NELFB: variants seen among roughly 807,000 people sequenced by gnomAD.
NELFB encodes negative elongation factor complex member B.
Under a neutral mutation model 60.2 loss-of-function variants are expected in NELFB, and 34 were observed. The observed-to-expected ratio is 0.56, with a 90% CI of 0.43 to 0.75. The LOEUF is 0.75. Ranked by LOEUF, NELFB falls within the 30% of genes least tolerant of loss-of-function variation. The pLI, the probability that NELFB is intolerant of heterozygous loss-of-function variation, is 0.00. For missense variants in NELFB, 770 were observed against 831.6 expected, an observed-to-expected ratio of 0.93 and a Z score of 0.91; for synonymous variants, 459 against 382.1, an observed-to-expected ratio of 1.20 and a Z score of -2.35.
chr9:137,257,090 C>CT, intron 4 of NELFB, 36 bp downstream of exon 4: 1 of 1,569,194 alleles, frequency 6.4e-7, no homozygotes, highest in East Asian at 2.3e-5. Context: ...TGGGGCACCT[C>CT]TTGGGGATGC....
At chr9:137,256,229 G>GT in intron 2 of NELFB, 100 bp from the exon 3 acceptor site, 1 of 1,370,828 alleles carries the variant, frequency 7.3e-7, no homozygotes. Context: ...TGTCCTGGGC[G>GT]TGGAGGCTTG....
chr9:137,266,093 G>C, intron 7 of NELFB, 114 bp downstream of exon 7: 2 of 875,800 alleles, frequency 2.3e-6, no homozygotes, highest in South Asian at 3.0e-5. Flanking sequence ...TTGGGGCCCT[G>C]TGGCCGCCCT....
chr9:137,256,251 G>T, intron 2 of NELFB, 78 bp from the exon 3 acceptor site: 1 of 1,453,142 alleles, frequency 6.9e-7, no homozygotes, highest in Middle Eastern at 1.8e-4. Flanking sequence ...CCTGGTAGCT[G>T]TTATCTGTGT....
intron 6 of NELFB, among the ~76,000 whole-genome samples, chr9:137,265,330 T>G (rs1412293198): frequency 1.3e-5 from 2 of 150,958 alleles, no homozygotes; most frequent in Admixed American, 6.6e-5. Context: ...TTTGTTTTTT[T>G]AACTTTTTAA....
chr9:137,263,354 C>T lies in NELFB; in HGVS notation c.927+132C>T, dbSNP rs1345556347. ...CCTGAAGGTAGCGCTGCCCTCCCTCCCTCCCTCCTTCTCCCTTCTCCCCCG... is the reference window on the plus strand; with the variant it reads ...CCTGAAGGTAGCGCTGCCCTCCCTCTCTCCCTCCTTCTCCCTTCTCCCCCG... On this transcript the variant is annotated intron_variant, in intron 5 of 12. Coordinates refer to ENST00000343053, the MANE Select transcript of NELFB (RefSeq NM_015456.5). 5 of 726,366 alleles carry T rather than the reference C, an allele frequency of 6.9e-6. 1 individual carries two copies. The allele number at this position is 726,366 out of a possible 1,614,324, so 45.0% of individuals were successfully genotyped here. A position where few individuals can be genotyped will look rare whatever the true frequency, so the allele number is the denominator to read the frequency against.
At chr9:137,271,769 C>G (rs1830586705) in intron 10 of NELFB, among the ~76,000 whole-genome samples, 1 of 151,764 alleles carries the variant, frequency 6.6e-6, no homozygotes. Flanking sequence ...TTCCTCCACC[C>G]TCCTCCTGTC....
intron 4 of NELFB, among the ~76,000 whole-genome samples, chr9:137,260,222 T>C (rs559434883): frequency 1.1e-4 from 16 of 148,014 alleles, no homozygotes; most frequent in African/African-American, 3.7e-4. Flanking sequence ...GCTATGTTTT[T>C]TGTATTTTTA....
At position 137,265,054 on chromosome 9, in the gene NELFB, T is replaced by TTTC. The variant is rs1554791518; in HGVS notation, c.1040+697_1040+698insTTC. 3.9e-4 allele frequency among the ~76,000 whole-genome samples: 45 copies of TTTC among 114,056 alleles called. 11 individuals carry two copies. The highest frequency in any genetic ancestry group is 6.9e-4 in the Non-Finnish European group (35 of 50,838). 74.8% of individuals were successfully genotyped at this position (114,056 alleles called of 152,430 possible). Reference sequence around the variant, plus strand: ...TCCTTTTTTTTTTTTTTTTTTTTTTTCTGAGACAGGGTCTCTGTCACCCAG... The same window carrying TTTC: ...TCCTTTTTTTTTTTTTTTTTTTTTTTTTCCTGAGACAGGGTCTCTGTCACCCAG... On this transcript the variant is annotated intron_variant, in intron 6 of 12. Coordinates refer to ENST00000343053, the MANE Select transcript of NELFB (RefSeq NM_015456.5).
Position 137,266,422 on chromosome 9 carries a change from A to G in NELFB, c.1235A>G (p.Lys412Arg), listed in dbSNP as rs773237362. The G allele has an allele frequency of 6.2e-7, 1 of 1,612,572 alleles. No homozygotes were observed. Among genetic ancestry groups the G allele is most frequent in the South Asian group, 1.1e-5 (1 of 91,064 alleles). Residue 412 changes from lysine (K) to arginine (R), a missense_variant, in exon 8 of 13, where the codon AAG becomes AGG. Coordinates refer to ENST00000343053, the MANE Select transcript of NELFB (RefSeq NM_015456.5). ...GACAGCCAGGTCTTCAAGGAGCCCA[A>G]GATGGTAACGAGCCTCCTGTGGGGG...
Position 137,256,431 on chromosome 9 carries a change from AG to A in NELFB, c.510+6del. On this transcript the variant is annotated splice_donor_region_variant and intron_variant, in intron 3 of 12. Coordinates refer to ENST00000343053, the MANE Select transcript of NELFB (RefSeq NM_015456.5). ...GCGTCATGAAGCACCTGCCCAAGGT[AG>A]GGCCCTAACCCTAACCCTGATGGCG... is the stretch of plus-strand genomic sequence containing the variant. 6.2e-7 allele frequency: 1 copy of A among 1,612,938 alleles called. No homozygotes were observed. Among genetic ancestry groups the A allele is most frequent in the Non-Finnish European group, 8.5e-7 (1 of 1,179,566 alleles).
chr9:137,255,625 C>G lies in NELFB; in HGVS notation c.246+14C>G. ...GAGCAGTTCCAGGTGGGGCGGCCCCCGGGGCGGGGGGAGCCCAGTTGGAGG... is the reference window on the plus strand; with the variant it reads ...GAGCAGTTCCAGGTGGGGCGGCCCCGGGGGCGGGGGGAGCCCAGTTGGAGG... On this transcript the variant is annotated intron_variant, in intron 1 of 12. Transcript: ENST00000343053. The G allele has an allele frequency of 1.3e-6, 2 of 1,542,320 alleles. No homozygotes were observed. The highest frequency in any genetic ancestry group is 2.5e-5 in the East Asian group (1 of 40,732).
chr9:137,263,514 C>T (rs1314304486), intron 5 of NELFB, among the ~76,000 whole-genome samples: 2 of 147,432 alleles, frequency 1.4e-5, no homozygotes, highest in Admixed American at 6.8e-5. Flanking sequence ...CTCCCTCCTT[C>T]CCCCTGGCCC....
At chr9:137,261,668 A>AG (rs2118979002) in intron 4 of NELFB, among the ~76,000 whole-genome samples, 1 of 151,328 alleles carries the variant, frequency 6.6e-6, no homozygotes, top group East Asian at 1.9e-4. Context: ...AAAAAAAAAA[A>AG]AAAAAAAAAT....
Position 137,255,527 on chromosome 9 carries a change from G to A in NELFB, c.162G>A (p.Gln54=). The change falls in exon 1 of 13, where the codon CAG becomes CAA. Residue 54 remains glutamine, a synonymous_variant. Transcript: ENST00000343053. ...CCTCGGCCATGTTCGCGGGGCTGCA[G>A]GACCTGGGCGTGGCCAACGGCGAGG... The A allele has an allele frequency of 6.5e-7, 1 of 1,546,040 alleles. No individual in the cohort carries two copies. The highest frequency in any genetic ancestry group is 8.7e-7 in the Non-Finnish European group (1 of 1,145,744).
chr9:137,255,480 C>A lies in NELFB; in HGVS notation c.115C>A (p.Pro39Thr), dbSNP rs1419811922. The stretch of plus-strand genomic sequence containing the variant: ...GGGGGAACGGGCTGGGGATGGGGCG[C>A]CTAGCCGGGCGGTGGCCGGGGCCTC... The change falls in exon 1 of 13, where the codon CCT becomes ACT. Residue 39 changes from proline (P) to threonine (T), a missense_variant. Transcript: ENST00000343053. 5.3e-6 allele frequency: 8 copies of A among 1,521,904 alleles called. No individual in the cohort carries two copies. The highest frequency in any genetic ancestry group is 2.2e-4 in the Middle Eastern group (1 of 4,466). The allele number at this position is 1,521,904 out of a possible 1,614,324, so 94.3% of individuals were successfully genotyped here. A position where few individuals can be genotyped will look rare whatever the true frequency, so the allele number is the denominator to read the frequency against.
chr9:137,262,102 G>C (rs926944380), intron 4 of NELFB, among the ~76,000 whole-genome samples: 2 of 152,186 alleles, frequency 1.3e-5, no homozygotes, highest in Non-Finnish European at 2.9e-5. Flanking sequence ...GTACAGGATG[G>C]AACATGAAGG....
chr9:137,260,932 G>A (rs1173997384), intron 4 of NELFB, among the ~76,000 whole-genome samples: 4 of 151,450 alleles, frequency 2.6e-5, no homozygotes, highest in African/African-American at 7.3e-5. Context: ...GGTGGTGTGC[G>A]CCTGTAGTCC....
intron 4 of NELFB, among the ~76,000 whole-genome samples, chr9:137,262,571 A>G (rs1830462614): frequency 6.6e-6 from 1 of 152,270 alleles, no homozygotes; most frequent in Non-Finnish European, 1.5e-5. Context: ...ATATTCAAAT[A>G]TAATCATATC....
chr9:137,267,391 G>A (rs932886618), intron 10 of NELFB, 45 bp downstream of exon 10: 1 of 1,537,342 alleles, frequency 6.5e-7, no homozygotes, highest in Admixed American at 1.9e-5. Flanking sequence ...CCCTGCGGCA[G>A]CTGCCGTATG....
Sources: gnomAD v4.1 joint callset for allele counts (sites outside exome capture counted in the v4.1 genomes callset) on GRCh38, gnomAD v4.1.1 for gene constraint, MANE v1.5 for transcripts, NCBI Gene and HGNC (gene_info 2026-07-23, HGNC 2026-07-21) for gene names.